Variants in ANO4 observed in about 807,000 individuals in gnomAD.
ANO4 encodes anoctamin-4.
ANO4 carries 69 observed loss-of-function variants against 141.9 expected under a neutral mutation model. The observed-to-expected ratio is 0.49, with a 90% CI of 0.40 to 0.59. ANO4 has a LOEUF of 0.59. Ranked by LOEUF, ANO4 falls within the 20% of genes least tolerant of loss-of-function variation. The pLI, the probability that ANO4 is intolerant of heterozygous loss-of-function variation, is 0.00. For missense variants in ANO4, 894 were observed against 1,162.2 expected (o/e 0.77, Z 3.36); for synonymous variants, 350 against 394.3 (o/e 0.89, Z 1.33).
chr12:101,106,294 A>G (rs2050437834), intron 22 of ANO4, among the ~76,000 whole-genome samples: 1 of 152,106 alleles, frequency 6.6e-6, no homozygotes, highest in African/African-American at 2.4e-5. Flanking sequence ...GAAGTCCTAG[A>G]AAGAATTAAA....
intron 13 of ANO4, among the ~76,000 whole-genome samples, chr12:101,045,052 T>G (rs1374948341): frequency 3.9e-5 from 6 of 152,250 alleles, no homozygotes; most frequent in African/African-American, 1.2e-4. Context: ...TTTTAGGAGA[T>G]CCTTAATAAT....
chr12:100,963,546 T>C (rs1250621550), intron 5 of ANO4, among the ~76,000 whole-genome samples: 12 of 152,026 alleles, frequency 7.9e-5, no homozygotes, highest in Admixed American at 7.2e-4. Flanking sequence ...GGAAATTGCA[T>C]CCGAATCAGC....
intron 1 of ANO4, among the ~76,000 whole-genome samples, chr12:100,814,137 A>T (rs144198876): frequency 0.012 from 1,870 of 152,280 alleles, 12 homozygotes; most frequent in Admixed American, 0.021. Context: ...AAGATCTTTA[A>T]TTCTCGAAAA....
At position 100,888,348 on chromosome 12, in the gene ANO4, GT is replaced by G. The variant is rs372580075; in HGVS notation, c.-140-13296del. On this transcript the variant is annotated intron_variant, in intron 1 of 27. Coordinates refer to ENST00000392977, the MANE Select transcript of ANO4 (RefSeq NM_001286615.2). ...AAAGATGTTACAAAGGAGAGGCTGG[GT>G]TATGGAAATTGACAAGAGATGGTGA... Among the ~76,000 whole-genome samples, 105 of 152,342 alleles carry G rather than the reference GT, an allele frequency of 6.9e-4. 1 individual carries two copies. The East Asian group carries it at 0.016, about 24-fold the overall frequency.
intron 7 of ANO4, 37 bp from the exon 8 acceptor site, chr12:100,987,502 T>C (rs1045451536): frequency 5.6e-6 from 9 of 1,605,922 alleles, no homozygotes; most frequent in Admixed American, 5.0e-5. Context: ...ATTGCTGACA[T>C]GCTGTACCCT....
intron 8 of ANO4, among the ~76,000 whole-genome samples, chr12:100,999,315 T>G (rs1417068723): frequency 6.6e-6 from 1 of 152,208 alleles, no homozygotes. Context: ...TCCTTTATCT[T>G]TAAAGCCAGC....
chr12:100,951,236 G>A (rs1010443111), intron 5 of ANO4, among the ~76,000 whole-genome samples: 1 of 152,198 alleles, frequency 6.6e-6, no homozygotes, highest in African/African-American at 2.4e-5. Flanking sequence ...GACACTGCTG[G>A]TGGGAGTGTC....
chr12:100,947,228 A>G (rs961431419), intron 5 of ANO4, among the ~76,000 whole-genome samples: 15 of 152,218 alleles, frequency 9.9e-5, no homozygotes, highest in Admixed American at 9.8e-4. Context: ...GCTAATACAA[A>G]CTATATATTT....
chr12:100,719,824 C>T (rs1373054254), intron 1 of ANO4, among the ~76,000 whole-genome samples: 1 of 152,052 alleles, frequency 6.6e-6, no homozygotes, highest in Non-Finnish European at 1.5e-5. Context: ...CTCTTTTTGT[C>T]TTTTGAGCTT....
chr12:100,962,319 T>C (rs2043459460), intron 5 of ANO4, among the ~76,000 whole-genome samples: 5 of 152,194 alleles, frequency 3.3e-5, no homozygotes, highest in Admixed American at 2.6e-4. Flanking sequence ...TGCTGGGTGC[T>C]GGGAATACAA....
chr12:100,905,123 A>G (rs941230953), intron 2 of ANO4, among the ~76,000 whole-genome samples: 5 of 152,094 alleles, frequency 3.3e-5, no homozygotes, highest in Non-Finnish European at 7.3e-5. Flanking sequence ...TTGATTATAG[A>G]TGTGATAATA....
chr12:101,042,963 G>T (rs1593105871), intron 12 of ANO4, among the ~76,000 whole-genome samples: 1 of 152,164 alleles, frequency 6.6e-6, no homozygotes, highest in East Asian at 1.9e-4. Flanking sequence ...TTGTTGCAAG[G>T]CTGGACAATG....
At chr12:100,868,068 A>G (rs2038847034) in intron 1 of ANO4, among the ~76,000 whole-genome samples, 1 of 152,176 alleles carries the variant, frequency 6.6e-6, no homozygotes, top group South Asian at 2.1e-4. Context: ...TCCCATTTGA[A>G]TGGTGTACCA....
Position 100,821,774 on chromosome 12 carries a change from A to G in ANO4, c.-141+26747A>G, listed in dbSNP as rs144264378. Reference sequence around the variant, plus strand: ...ATCGATAAACATAAGGTTATTGCCAATGTTTTACAGTTATAAACAGCAAGT... The same window carrying G: ...ATCGATAAACATAAGGTTATTGCCAGTGTTTTACAGTTATAAACAGCAAGT... On this transcript the variant is annotated intron_variant, in intron 1 of 27. Transcript: ENST00000392977. Among the ~76,000 whole-genome samples the G allele has an allele frequency of 2.0e-3, 309 of 152,170 alleles. 1 individual carries two copies. Among genetic ancestry groups the G allele is most frequent in the African/African-American group, 6.5e-3 (272 of 41,542 alleles).
chr12:101,071,277 C>G (rs2048798100), intron 14 of ANO4, among the ~76,000 whole-genome samples: 1 of 151,214 alleles, frequency 6.6e-6, no homozygotes, highest in South Asian at 2.1e-4. Context: ...AAGTGTCCAT[C>G]AGCAGATGTA....
chr12:100,953,878 G>T (rs575951790), intron 5 of ANO4, among the ~76,000 whole-genome samples: 6 of 133,570 alleles, frequency 4.5e-5, no homozygotes, highest in Admixed American at 2.1e-4. Context: ...GTAACTGAAT[G>T]GGGGGGTATG....
intron 1 of ANO4, among the ~76,000 whole-genome samples, chr12:100,823,445 C>G (rs1417531445): frequency 6.6e-6 from 1 of 151,926 alleles, no homozygotes; most frequent in African/African-American, 2.4e-5. Context: ...TTTTCTTCTC[C>G]TTTTTCATAC....
In ANO4 at chr12:101,097,868, T is replaced by C; in HGVS notation, c.1929T>C (p.Leu643=). Residue 643 remains leucine (L), a synonymous_variant, in exon 21 of 28, where the codon CTT becomes CTC. Transcript: ENST00000392977. ...RLEECHPSGC[L]IDLCMQMGII... ...TGCAGTGCCACCCTAGTGGATGCCT[T>C]ATTGATCTGTGTATGCAAATGGGTA... is the stretch of plus-strand genomic sequence containing the variant. 3.1e-6 allele frequency: 5 copies of C among 1,613,872 alleles called. No individual in the cohort carries two copies. The highest frequency in any genetic ancestry group is 4.2e-6 in the Non-Finnish European group (5 of 1,179,822).
intron 1 of ANO4, among the ~76,000 whole-genome samples, chr12:100,893,886 A>T (rs2040219715): frequency 6.6e-6 from 1 of 152,158 alleles, no homozygotes; most frequent in African/African-American, 2.4e-5. Context: ...GCCTGTAAAG[A>T]ATCTAAAGGA....
Sources: allele counts gnomAD v4.1 joint callset (sites outside exome capture counted in the v4.1 genomes callset), GRCh38; gene constraint gnomAD v4.1.1; transcripts MANE v1.5; gene names NCBI Gene and HGNC (gene_info 2026-07-23, HGNC 2026-07-21).